The following LDLRAD4 variants were observed in gnomAD, a reference collection of about 807,000 sequenced individuals.
LDLRAD4 encodes low-density lipoprotein receptor class A domain-containing protein 4.
LDLRAD4 carries 5 observed loss-of-function variants against 17.0 expected under a neutral mutation model. The ratio of observed to expected loss-of-function variants is 0.29; its 90% CI spans 0.15 to 0.62. The LOEUF is 0.62. LDLRAD4 is among the 20% of genes least tolerant of loss of function. The probability of loss-of-function intolerance (pLI) is 0.84; values close to 1 mark genes in which losing one functional copy is unlikely to be tolerated. For synonymous variants in LDLRAD4, 168 were observed against 171.8 expected, an observed-to-expected ratio of 0.98 and a Z score of 0.17; for missense variants, 340 against 424.7, an observed-to-expected ratio of 0.80 and a Z score of 1.75.
At chr18:13,394,850 TC>T (rs1259990749) in intron 2 of LDLRAD4, among the ~76,000 whole-genome samples, 3 of 152,260 alleles carry the variant, frequency 2.0e-5, no homozygotes, top group Non-Finnish European at 4.4e-5. Flanking sequence ...GTTGTAGTTA[TC>T]CCTGAAATGG....
chr18:13,438,349 T>C (rs749852696), exon 3 of LDLRAD4: 1 of 1,614,130 alleles, frequency 6.2e-7, no homozygotes, highest in Non-Finnish European at 8.5e-7. Context: ...AACTGTCTCC[T>C]GGTGACCGAG....
chr18:13,358,978 C>T (rs2083501190), intron 1 of LDLRAD4, among the ~76,000 whole-genome samples: 1 of 152,160 alleles, frequency 6.6e-6, no homozygotes, highest in Non-Finnish European at 1.5e-5. Flanking sequence ...TAAACCAAAA[C>T]ACAACAAAAC....
At chr18:13,220,533 ATTAT>A (rs1195649457) in intron 1 of LDLRAD4, among the ~76,000 whole-genome samples, 1 of 152,222 alleles carries the variant, frequency 6.6e-6, no homozygotes, top group Non-Finnish European at 1.5e-5. Flanking sequence ...TTGTTGGCAC[ATTAT>A]TTGAGACTCC....
At position 13,417,669 on chromosome 18, in the gene LDLRAD4, A is replaced by C. The variant is rs183708109; in HGVS notation, c.41-20575A>C. Reference sequence around the variant, plus strand: ...CAGGATGGTCTCGATCTCCTGACCTAGTGATCCGCCCATCTCGGCCTCCCA... The same window carrying C: ...CAGGATGGTCTCGATCTCCTGACCTCGTGATCCGCCCATCTCGGCCTCCCA... On this transcript the variant is annotated intron_variant, in intron 2 of 5. Transcript: ENST00000359446. Among the ~76,000 whole-genome samples the C allele has an allele frequency of 1.1e-3, 170 of 152,204 alleles. No homozygotes were observed. The East Asian group carries it at 0.018, about 16-fold the overall frequency.
chr18:13,277,189 A>G (rs1205725785), upstream of LDLRAD4, among the ~76,000 whole-genome samples: 1 of 152,120 alleles, frequency 6.6e-6, no homozygotes, highest in Non-Finnish European at 1.5e-5. Context: ...CAGGAGTGGC[A>G]TATGGCAGGA....
chr18:13,604,981 C>T (rs1332532941), intron 3 of LDLRAD4, among the ~76,000 whole-genome samples: 1 of 152,146 alleles, frequency 6.6e-6, no homozygotes, highest in Non-Finnish European at 1.5e-5. Context: ...GCATCTGGCT[C>T]TCTCAAGGAA....
At chr18:13,551,530 A>G (rs1020763344) in intron 3 of LDLRAD4, among the ~76,000 whole-genome samples, 2 of 152,136 alleles carry the variant, frequency 1.3e-5, no homozygotes, top group Non-Finnish European at 2.9e-5. Flanking sequence ...TTGCAGAAAG[A>G]GAGAAAAGAC....
At chr18:13,537,376 A>C (rs1051826913) in intron 3 of LDLRAD4, among the ~76,000 whole-genome samples, 4 of 152,184 alleles carry the variant, frequency 2.6e-5, no homozygotes, top group Admixed American at 2.0e-4. Context: ...GAGGGTGTGC[A>C]GGAGGATAGT....
chr18:13,409,551 A>G lies in LDLRAD4; in HGVS notation c.40+21789A>G, dbSNP rs184468244. ...GCAATTTACATTCTTAAACATTTCTATCTTCAACCTGTATCTTATTTAGTT... is the reference window on the plus strand; with the variant it reads ...GCAATTTACATTCTTAAACATTTCTGTCTTCAACCTGTATCTTATTTAGTT... On this transcript the variant is annotated intron_variant, in intron 2 of 5. Transcript: ENST00000359446. Among the ~76,000 whole-genome samples the G allele has an allele frequency of 4.6e-5, 7 of 152,348 alleles. No individual in the cohort carries two copies. The East Asian group carries it at 1.3e-3, about 29-fold the overall frequency.
chr18:13,499,833 G>A (rs750305611), intron 3 of LDLRAD4, among the ~76,000 whole-genome samples: 24 of 152,304 alleles, frequency 1.6e-4, no homozygotes, highest in Admixed American at 4.6e-4. Flanking sequence ...GCCCACACAC[G>A]TCCTGCTGTG....
chr18:13,347,516 A>T (rs779924240), intron 1 of LDLRAD4, among the ~76,000 whole-genome samples: 11 of 151,960 alleles, frequency 7.2e-5, no homozygotes, highest in Non-Finnish European at 1.5e-4. Flanking sequence ...TTTTTCCTTC[A>T]TTTCAACTTT....
chr18:13,433,862 G>A (rs1410195395), intron 2 of LDLRAD4, among the ~76,000 whole-genome samples: 1 of 152,000 alleles, frequency 6.6e-6, no homozygotes, highest in Non-Finnish European at 1.5e-5. Flanking sequence ...CTCGCACATG[G>A]TATAACCCAA....
At chr18:13,280,395 T>G (rs1373968611) in intron 1 of LDLRAD4, among the ~76,000 whole-genome samples, 1 of 152,240 alleles carries the variant, frequency 6.6e-6, no homozygotes, top group South Asian at 2.1e-4. Context: ...CAGCATTCCA[T>G]GCACAGTCGT....
At chr18:13,511,988 T>C (rs1330517258) in intron 3 of LDLRAD4, among the ~76,000 whole-genome samples, 3 of 152,254 alleles carry the variant, frequency 2.0e-5, no homozygotes, top group Non-Finnish European at 4.4e-5. Context: ...CCATGACAGC[T>C]GATGTATGTA....
intron 3 of LDLRAD4, chr18:13,471,375 A>T (rs890206087): frequency 5.3e-5 from 8 of 152,206 alleles, no homozygotes; most frequent in African/African-American, 1.7e-4. Context: ...TGCACACAGC[A>T]CAGCGTGTCA....
At chr18:13,574,222 A>G (rs750731998) in intron 3 of LDLRAD4, among the ~76,000 whole-genome samples, 8 of 152,296 alleles carry the variant, frequency 5.3e-5, no homozygotes, top group African/African-American at 9.6e-5. Context: ...TGCTATTATT[A>G]CCCATGGTTT....
intron 2 of LDLRAD4, among the ~76,000 whole-genome samples, chr18:13,408,065 T>A (rs977875683): frequency 4.6e-5 from 7 of 152,228 alleles, no homozygotes; most frequent in African/African-American, 1.4e-4. Context: ...ACTGTCACCT[T>A]ATATTCAATT....
chr18:13,259,817 T>C (rs73951939), intron 1 of LDLRAD4, among the ~76,000 whole-genome samples: 3,322 of 152,218 alleles, frequency 0.022, 125 homozygotes, highest in African/African-American at 0.075. Flanking sequence ...CCTGTTTTCC[T>C]TTGCTTGGCT....
intron 1 of LDLRAD4, among the ~76,000 whole-genome samples, chr18:13,339,385 T>C (rs1265188813): frequency 4.6e-5 from 7 of 152,106 alleles, no homozygotes; most frequent in African/African-American, 1.4e-4. Flanking sequence ...GTATTTTTAG[T>C]AGAGACAGGG....
Sources: allele counts gnomAD v4.1 joint callset (sites outside exome capture counted in the v4.1 genomes callset), GRCh38; gene constraint gnomAD v4.1.1; transcripts MANE v1.5; gene names NCBI Gene and HGNC (gene_info 2026-07-23, HGNC 2026-07-21).